LY75: variants seen among roughly 807,000 people sequenced by gnomAD.
LY75 encodes the protein C-type lectin domain family 13 member B.
Under a neutral mutation model 231.7 loss-of-function variants are expected in LY75, and 185 were observed. That is an observed-to-expected ratio of 0.80 (90% confidence interval 0.71 to 0.90). The LOEUF (loss-of-function observed/expected upper bound fraction) is 0.90, where lower values mean the gene tolerates loss of function less well. Ranked by LOEUF, LY75 falls within the 40% of genes least tolerant of loss-of-function variation. LY75 has a pLI of 0.00. For synonymous variants in LY75, 668 were observed against 689.0 expected (o/e 0.97, Z 0.48); for missense variants, 1,947 against 2,050.2 (o/e 0.95, Z 0.97).
At position 159,882,017 on chromosome 2, in the gene LY75, G is replaced by T. The variant is rs1169482445; in HGVS notation, c.1246+107C>A. The T allele has an allele frequency of 3.8e-6, 5 of 1,333,020 alleles. No individual in the cohort carries two copies. In the South Asian group the frequency reaches 4.4e-5, roughly 12 times the overall value. The allele number at this position is 1,333,020 out of a possible 1,614,324, so 82.6% of individuals were successfully genotyped here. A position where few individuals can be genotyped will look rare whatever the true frequency, so the allele number is the denominator to read the frequency against. On this transcript the variant is annotated intron_variant, in intron 7 of 34. Transcript: ENST00000263636. ...AGAGACAATCCTATCTGACAGGGCT[G>T]ATCTGTGGGATCAAACTGTAAGCTT...
chr2:159,816,696 G>T (rs558437354), intron 30 of LY75, 110 bp downstream of exon 30: 2 of 1,447,362 alleles, frequency 1.4e-6, no homozygotes, highest in South Asian at 2.8e-5. Context: ...TGCAAGCGGA[G>T]TCCCAGTACT....
chr2:159,875,957 C>G (rs1361497373), intron 11 of LY75, among the ~76,000 whole-genome samples: 1 of 152,024 alleles, frequency 6.6e-6, no homozygotes, highest in Non-Finnish European at 1.5e-5. Flanking sequence ...GATTTGTGCC[C>G]AGGTGGTCTG....
rs746287846 is a variant in LY75 at position 159,835,683 on chromosome 2, GAT to G, written c.3508-40_3508-39del. On this transcript the variant is annotated intron_variant, in intron 25 of 34. Transcript: ENST00000263636. ...GAAGTACATTTCAGGTGGCAATATT[GAT>G]GTTAACCCTTTGTATTATTTTGACT... 1.6e-5 allele frequency: 26 copies of G among 1,603,866 alleles called. No homozygotes were observed. The East Asian group carries it at 5.4e-4, about 33-fold the overall frequency.
chr2:159,825,272 G>A (rs1352733872), intron 28 of LY75, among the ~76,000 whole-genome samples: 2 of 151,916 alleles, frequency 1.3e-5, no homozygotes, highest in Non-Finnish European at 2.9e-5. Flanking sequence ...ATGATATAGG[G>A]GATACCACCA....
intron 31 of LY75, chr2:159,812,370 G>C (rs939091753): frequency 1.3e-5 from 2 of 149,604 alleles, no homozygotes; most frequent in Non-Finnish European, 3.0e-5. Flanking sequence ...TTTAATTGTG[G>C]TAAAATACAC....
intron 13 of LY75, among the ~76,000 whole-genome samples, chr2:159,869,603 G>C (rs867305019): frequency 7.9e-5 from 12 of 152,156 alleles, no homozygotes; most frequent in African/African-American, 1.4e-4. Flanking sequence ...GGCTTGATTC[G>C]AAACAACCCC....
intron 28 of LY75, among the ~76,000 whole-genome samples, chr2:159,826,794 A>G (rs1307312923): frequency 6.6e-6 from 1 of 152,336 alleles, no homozygotes; most frequent in East Asian, 1.9e-4. Flanking sequence ...GGCCTCAGAA[A>G]TAACACCACA....
At chr2:159,855,699 G>A (rs1433034255) in intron 16 of LY75, among the ~76,000 whole-genome samples, 1 of 152,160 alleles carries the variant, frequency 6.6e-6, no homozygotes, top group Non-Finnish European at 1.5e-5. Flanking sequence ...AGAGAGTGAA[G>A]GTCACGTGTG....
At chr2:159,806,917 C>T (rs1056586858) in intron 34 of LY75, 56 bp downstream of exon 34, 2 of 1,541,556 alleles carry the variant, frequency 1.3e-6, no homozygotes, top group Non-Finnish European at 1.7e-6. Flanking sequence ...TTGGATTGTA[C>T]ATTTATTTCC....
chr2:159,863,593 GTCT>G (rs1684775923), intron 14 of LY75, among the ~76,000 whole-genome samples: 2 of 152,132 alleles, frequency 1.3e-5, no homozygotes, highest in African/African-American at 4.8e-5. Context: ...CCATCTGTAT[GTCT>G]TCTTTTGAGA....
At chr2:159,884,110 A>C (rs998402336) in intron 6 of LY75, among the ~76,000 whole-genome samples, 1 of 152,158 alleles carries the variant, frequency 6.6e-6, no homozygotes, top group South Asian at 2.1e-4. Context: ...TATAAGGCGG[A>C]GTTTTCCTTC....
chr2:159,824,867 T>C (rs531718270), intron 28 of LY75, among the ~76,000 whole-genome samples: 9 of 151,910 alleles, frequency 5.9e-5, no homozygotes, highest in African/African-American at 1.7e-4. Context: ...ACTGGGTAAA[T>C]AACGAAATGA....
intron 23 of LY75, among the ~76,000 whole-genome samples, chr2:159,848,172 GTA>G (rs1264794738): frequency 7.6e-6 from 1 of 131,448 alleles, no homozygotes. Flanking sequence ...GTGTGTATAT[GTA>G]TATATATGTA....
chr2:159,878,643 TAGTC>T lies in LY75; in HGVS notation c.1590_1593del (p.Thr531SerfsTer10). 6.2e-7 allele frequency: 1 copy of T among 1,614,054 alleles called. No homozygotes were observed. Among genetic ancestry groups the T allele is most frequent in the Non-Finnish European group, 8.5e-7 (1 of 1,179,954 alleles). On this transcript the variant is annotated frameshift_variant, in exon 10 of 35. Coordinates refer to ENST00000263636, the MANE Select transcript of LY75 (RefSeq NM_002349.4). LOFTEE classifies it high-confidence loss of function. ...TACTGATGGTCACACCTGCTAGTGA[TAGTC>T]AGATTGCAGTTTGTTCCAAAAGGGA...
At chr2:159,816,075 C>T (rs1683111908) in intron 30 of LY75, among the ~76,000 whole-genome samples, 1 of 152,070 alleles carries the variant, frequency 6.6e-6, no homozygotes, top group Non-Finnish European at 1.5e-5. Flanking sequence ...TTGAATTTTC[C>T]TTGAATTTAT....
intron 34 of LY75, among the ~76,000 whole-genome samples, chr2:159,805,658 A>C (rs1329883422): frequency 6.6e-6 from 1 of 152,228 alleles, no homozygotes; most frequent in Non-Finnish European, 1.5e-5. Context: ...TAAGTCTCTC[A>C]GATGAGTTCA....
At chr2:159,817,406 G>T (rs1203836775) in intron 29 of LY75, among the ~76,000 whole-genome samples, 1 of 152,154 alleles carries the variant, frequency 6.6e-6, no homozygotes, top group Non-Finnish European at 1.5e-5. Flanking sequence ...CAAGGGTTAG[G>T]TGAAATTAAG....
chr2:159,819,224 C>T (rs1320523738), intron 29 of LY75, among the ~76,000 whole-genome samples: 1 of 152,016 alleles, frequency 6.6e-6, no homozygotes, highest in East Asian at 1.9e-4. Flanking sequence ...AGTTTTTAAG[C>T]TGTGAAAAAA....
intron 27 of LY75, among the ~76,000 whole-genome samples, chr2:159,832,500 G>A (rs897647315): frequency 4.6e-5 from 7 of 152,150 alleles, no homozygotes; most frequent in Non-Finnish European, 8.8e-5. Flanking sequence ...TGGGCTATAC[G>A]ACAGATCTTC....
Sources: allele counts gnomAD v4.1 joint callset (sites outside exome capture counted in the v4.1 genomes callset), GRCh38; gene constraint gnomAD v4.1.1; transcripts MANE v1.5; gene names NCBI Gene and HGNC (gene_info 2026-07-23, HGNC 2026-07-21).